NOL10: variants seen among roughly 807,000 people sequenced by gnomAD.
NOL10 encodes H_NH0074G24.1.
NOL10 carries 58 observed loss-of-function variants against 103.5 expected under a neutral mutation model. The ratio of observed to expected loss-of-function variants is 0.56; its 90% CI spans 0.45 to 0.70. The LOEUF is 0.70. Among genes scored for constraint, NOL10 ranks in the 30% least tolerant of loss-of-function variants. NOL10 has a pLI of 0.00. For synonymous variants in NOL10, 287 were observed against 282.5 expected, an observed-to-expected ratio of 1.02 and a Z score of -0.16; for missense variants, 763 against 807.3, an observed-to-expected ratio of 0.95 and a Z score of 0.67.
chr2:10,583,703 T>C lies in NOL10; in HGVS notation c.1844+5340A>G, dbSNP rs59330363. On this transcript the variant is annotated intron_variant, in intron 19 of 20. Coordinates refer to ENST00000381685, the MANE Select transcript of NOL10 (RefSeq NM_024894.4). ...TTGTGCTCCTTTTTCTTTCTCACTCTTAGTCTTCTGGTCTGTCTGCTCCTC... is the reference window on the plus strand; with the variant it reads ...TTGTGCTCCTTTTTCTTTCTCACTCCTAGTCTTCTGGTCTGTCTGCTCCTC... Among the ~76,000 whole-genome samples, 242 of 152,348 alleles carry C rather than the reference T, an allele frequency of 1.6e-3. 2 individuals carry two copies. In the East Asian group the frequency reaches 0.031, roughly 20 times the overall value.
chr2:10,663,375 A>G (rs1341823919), intron 8 of NOL10, among the ~76,000 whole-genome samples: 1 of 151,836 alleles, frequency 6.6e-6, no homozygotes, highest in Non-Finnish European at 1.5e-5. Context: ...TCAAAAAAAA[A>G]AAAAAAGCTG....
At chr2:10,642,308 C>T (rs898057075) in intron 13 of NOL10, among the ~76,000 whole-genome samples, 18 of 152,200 alleles carry the variant, frequency 1.2e-4, no homozygotes, top group African/African-American at 4.1e-4. Context: ...TCCCAGAACC[C>T]CAAAGAGCCA....
Position 10,633,113 on chromosome 2 carries a change from A to G in NOL10, c.1026+11207T>C, listed in dbSNP as rs116078905. Among the ~76,000 whole-genome samples, 967 of 152,328 alleles carry G rather than the reference A, an allele frequency of 6.3e-3. 11 individuals are homozygous for G. Among genetic ancestry groups the G allele is most frequent in the African/African-American group, 0.023 (943 of 41,568 alleles). On this transcript the variant is annotated intron_variant, in intron 13 of 20. Transcript: ENST00000381685. Reference sequence around the variant, plus strand: ...CTGACAGAACCAGGAAAACTTCCTCATCAGAGTGTAACATACTTGGGCTCC... The same window carrying G: ...CTGACAGAACCAGGAAAACTTCCTCGTCAGAGTGTAACATACTTGGGCTCC...
intron 6 of NOL10, among the ~76,000 whole-genome samples, chr2:10,668,985 C>T (rs1680733551): frequency 6.6e-6 from 1 of 151,626 alleles, no homozygotes; most frequent in Admixed American, 6.6e-5. Context: ...ATACAAGATC[C>T]AAAAGTATAT....
Position 10,667,428 on chromosome 2 carries a change from A to C in NOL10, c.531-150T>G, listed in dbSNP as rs1680633862. The C allele has an allele frequency of 2.0e-5, 13 of 655,514 alleles. No individual in the cohort carries two copies. In the Admixed American group the frequency reaches 2.2e-4, roughly 11 times the overall value. The allele number at this position is 655,514 out of a possible 1,614,324, so 40.6% of individuals were successfully genotyped here. ...TACTAATCTGCAAATGGAAAACACCAAGGTATGAAAGGGTTAAGTGCTTGG... is the reference window on the plus strand; with the variant it reads ...TACTAATCTGCAAATGGAAAACACCCAGGTATGAAAGGGTTAAGTGCTTGG... On this transcript the variant is annotated intron_variant, in intron 7 of 20. Transcript: ENST00000381685.
intron 3 of NOL10, 38 bp downstream of exon 3, chr2:10,681,933 A>T: frequency 1.0e-6 from 1 of 955,728 alleles, no homozygotes; most frequent in Non-Finnish European, 1.5e-6. Flanking sequence ...ATTTCCTGGT[A>T]CAAAATGCAT....
chr2:10,676,173 A>G (rs1681292375), intron 3 of NOL10, among the ~76,000 whole-genome samples: 1 of 152,234 alleles, frequency 6.6e-6, no homozygotes, highest in African/African-American at 2.4e-5. Flanking sequence ...AACGGTTAAT[A>G]TCTGTGTTGG....
At chr2:10,659,338 T>C in intron 9 of NOL10, 88 bp from the exon 10 acceptor site, 6 of 171,692 alleles carry the variant, frequency 3.5e-5, no homozygotes, top group Non-Finnish European at 6.6e-5. Flanking sequence ...ACTTCAAATC[T>C]AATGGGGGGG....
rs923747694 is a variant in NOL10 at position 10,671,688 on chromosome 2, A to G, written c.330T>C (p.Ile110=). 7 of 1,551,772 alleles carry G rather than the reference A, an allele frequency of 4.5e-6. No homozygotes were observed. Among genetic ancestry groups the G allele is most frequent in the East Asian group, 2.3e-5 (1 of 42,826 alleles). ...TGTATCTATCATTATGTAAGAAGAC[A>G]ATCTGAAAATAAAACAAAAAAATTA... ...FEILSDDYSK[I]VFLHNDRYIE... The change falls in exon 6 of 21, where the codon ATT becomes ATC. Residue 110 remains isoleucine (I), a splice_region_variant and synonymous_variant. Transcript: ENST00000381685.
intron 12 of NOL10, among the ~76,000 whole-genome samples, chr2:10,652,896 T>C (rs1217947700): frequency 6.6e-6 from 1 of 152,028 alleles, no homozygotes; most frequent in Non-Finnish European, 1.5e-5. Context: ...GGGAAGTGTG[T>C]TAAAAACACA....
chr2:10,678,136 AC>A (rs896220028), intron 3 of NOL10, among the ~76,000 whole-genome samples: 17 of 152,148 alleles, frequency 1.1e-4, no homozygotes, highest in Admixed American at 2.6e-4. Flanking sequence ...GTAACCTCAA[AC>A]TGCTAGGCTC....
chr2:10,631,023 T>G (rs563566598), intron 13 of NOL10, among the ~76,000 whole-genome samples: 1 of 152,338 alleles, frequency 6.6e-6, no homozygotes, highest in South Asian at 2.1e-4. Flanking sequence ...AAAGAGCAAT[T>G]TCTGGCAAAA....
In NOL10 at chr2:10,600,870, A is replaced by G; in HGVS notation, c.1405T>C (p.Trp469Arg). 5 of 1,553,448 alleles carry G rather than the reference A, an allele frequency of 3.2e-6. No individual in the cohort carries two copies. The highest frequency in any genetic ancestry group is 4.4e-6 in the Non-Finnish European group (5 of 1,147,278). ...EEEEEKQKSTWKKKVKSLPNI... is the reference protein window; with the variant it reads ...EEEEEKQKSTRKKKVKSLPNI... ...CACCTTACCTTAACTTTCTTTTTCC[A>G]TGTAGATTTCTGCTTCTCCTCTTCT... The change falls in exon 17 of 21, where the codon TGG becomes CGG. Residue 469 changes from tryptophan to arginine, a missense_variant. By Grantham distance (101) the Trp-to-Arg change is moderately radical. Coordinates refer to ENST00000381685, the MANE Select transcript of NOL10 (RefSeq NM_024894.4).
At chr2:10,635,507 T>C (rs7587281) in intron 13 of NOL10, among the ~76,000 whole-genome samples, 2,201 of 152,142 alleles carry the variant, frequency 0.014, 67 homozygotes, top group African/African-American at 0.05. Flanking sequence ...CAAATCTATA[T>C]ATAATATCTA....
At chr2:10,574,517 G>T (rs985272453) in intron 20 of NOL10, among the ~76,000 whole-genome samples, 5 of 152,084 alleles carry the variant, frequency 3.3e-5, no homozygotes, top group Non-Finnish European at 7.4e-5. Context: ...CATGGTGGCA[G>T]CTGCCTGTAG....
chr2:10,678,421 T>TAA lies in NOL10; in HGVS notation c.212-2552_212-2551dup, dbSNP rs34336101. Among the ~76,000 whole-genome samples, 727 of 116,708 alleles carry TAA rather than the reference T, an allele frequency of 6.2e-3. 14 individuals are homozygous for TAA. The highest frequency in any genetic ancestry group is 0.019 in the African/African-American group (664 of 35,008). The allele number at this position is 116,708 out of a possible 152,430, so 76.6% of individuals were successfully genotyped here. ...TTTGGCCACTAGGGGAAAAAAGTGGTAAAAAAAAAAAAAAACACTAATAAA... is the reference window on the plus strand; with the variant it reads ...TTTGGCCACTAGGGGAAAAAAGTGGTAAAAAAAAAAAAAAAAACACTAATAAA... On this transcript the variant is annotated intron_variant, in intron 3 of 20. Coordinates refer to ENST00000381685, the MANE Select transcript of NOL10 (RefSeq NM_024894.4).
At chr2:10,657,689 A>T in intron 11 of NOL10, 53 bp downstream of exon 11, 1 of 1,468,348 alleles carries the variant, frequency 6.8e-7, no homozygotes, top group Non-Finnish European at 9.3e-7. Context: ...GGAAAGGATC[A>T]TTCGGAACAC....
intron 17 of NOL10, among the ~76,000 whole-genome samples, chr2:10,596,112 G>A (rs965285134): frequency 2.3e-4 from 35 of 151,982 alleles, no homozygotes; most frequent in African/African-American, 8.5e-4. Context: ...TAAGTTCTCA[G>A]TGGTATTTAG....
At chr2:10,650,164 A>C (rs1679359389) in intron 12 of NOL10, among the ~76,000 whole-genome samples, 1 of 152,180 alleles carries the variant, frequency 6.6e-6, no homozygotes, top group Non-Finnish European at 1.5e-5. Context: ...AATGTTAGCA[A>C]GATAATTTTT....
Sources: gnomAD v4.1 joint callset for allele counts (sites outside exome capture counted in the v4.1 genomes callset) on GRCh38, gnomAD v4.1.1 for gene constraint, MANE v1.5 for transcripts, NCBI Gene and HGNC (gene_info 2026-07-23, HGNC 2026-07-21) for gene names.